PCCA: variants seen among roughly 807,000 people sequenced by gnomAD.
PCCA encodes propionyl-CoA carboxylase alpha chain, mitochondrial.
A neutral mutation model predicts 101.3 loss-of-function variants in PCCA; 74 were observed. The ratio of observed to expected loss-of-function variants is 0.73; its 90% confidence interval spans 0.61 to 0.89. The LOEUF (loss-of-function observed/expected upper bound fraction) is 0.89, where lower values mean the gene tolerates loss of function less well. Ranked by LOEUF, PCCA falls within the 40% of genes least tolerant of loss-of-function variation. The pLI, the probability that PCCA is intolerant of heterozygous loss-of-function variation, is 0.00. For synonymous variants in PCCA, 294 were observed against 313.6 expected (o/e 0.94, Z 0.66); for missense variants, 891 against 907.0 (o/e 0.98, Z 0.23).
intron 19 of PCCA, among the ~76,000 whole-genome samples, chr13:100,383,372 A>G (rs552702276): frequency 7.2e-5 from 11 of 152,036 alleles, no homozygotes; most frequent in Non-Finnish European, 1.2e-4. Context: ...CACGCCTGTA[A>G]TCCCAGCACA....
At chr13:100,434,659 C>T (rs1317085854) in intron 20 of PCCA, among the ~76,000 whole-genome samples, 4 of 152,184 alleles carry the variant, frequency 2.6e-5, no homozygotes, top group African/African-American at 9.7e-5. Context: ...TGAATGTTCT[C>T]ACTGGGCATG....
At chr13:100,493,583 A>C (rs2085067334) in intron 21 of PCCA, among the ~76,000 whole-genome samples, 1 of 152,140 alleles carries the variant, frequency 6.6e-6, no homozygotes, top group Non-Finnish European at 1.5e-5. Flanking sequence ...GTTCTTGCAA[A>C]CCCCCACAGA....
At chr13:100,412,520 A>C (rs991726881) in intron 19 of PCCA, among the ~76,000 whole-genome samples, 1 of 152,160 alleles carries the variant, frequency 6.6e-6, no homozygotes, top group East Asian at 1.9e-4. Flanking sequence ...CCATTTTTCT[A>C]TTTCTTATTA....
intron 6 of PCCA, among the ~76,000 whole-genome samples, chr13:100,169,980 A>T (rs2011329): frequency 6.6e-6 from 1 of 152,054 alleles, no homozygotes; most frequent in African/African-American, 2.4e-5. Flanking sequence ...GATTATAGGC[A>T]TGAGCCACCA....
chr13:100,217,136 T>G (rs2059567262), intron 7 of PCCA, among the ~76,000 whole-genome samples: 2 of 147,748 alleles, frequency 1.4e-5, no homozygotes, highest in South Asian at 4.3e-4. Context: ...CACAAGAGAA[T>G]TTGAATCTAT....
intron 10 of PCCA, among the ~76,000 whole-genome samples, chr13:100,263,799 A>G (rs563981936): frequency 1.4e-5 from 2 of 146,126 alleles, no homozygotes; most frequent in South Asian, 4.2e-4. Flanking sequence ...TCTGTATATC[A>G]TATATACAGT....
At chr13:100,369,495 A>G (rs1167033418) in intron 19 of PCCA, among the ~76,000 whole-genome samples, 2 of 152,182 alleles carry the variant, frequency 1.3e-5, no homozygotes, top group Non-Finnish European at 2.9e-5. Flanking sequence ...TCATTCCACA[A>G]ATAATTGTTG....
At chr13:100,501,616 G>C (rs1202249502) in intron 21 of PCCA, among the ~76,000 whole-genome samples, 1 of 152,174 alleles carries the variant, frequency 6.6e-6, no homozygotes, top group Non-Finnish European at 1.5e-5. Flanking sequence ...GCTCACGCCT[G>C]TAATCCCAGC....
chr13:100,200,557 TA>T (rs1232303208), intron 6 of PCCA, among the ~76,000 whole-genome samples: 2 of 151,688 alleles, frequency 1.3e-5, no homozygotes, highest in Non-Finnish European at 2.9e-5. Context: ...AATATACATA[TA>T]TATTAACAGG....
chr13:100,251,309 T>C (rs2061739952), intron 8 of PCCA, among the ~76,000 whole-genome samples: 1 of 152,234 alleles, frequency 6.6e-6, no homozygotes, highest in African/African-American at 2.4e-5. Flanking sequence ...ACCATTGTTA[T>C]ATAAATAGAA....
chr13:100,270,672 T>C (rs2152574557), intron 11 of PCCA, among the ~76,000 whole-genome samples: 1 of 152,304 alleles, frequency 6.6e-6, no homozygotes, highest in Middle Eastern at 3.4e-3. Flanking sequence ...ATTTGTACAC[T>C]GTGAAATGTT....
At chr13:100,141,998 G>A (rs943397930) in intron 4 of PCCA, among the ~76,000 whole-genome samples, 1 of 152,130 alleles carries the variant, frequency 6.6e-6, no homozygotes, top group African/African-American at 2.4e-5. Context: ...TGGGAAATAT[G>A]TTTCGATGAC....
At chr13:100,444,093 TC>T (rs1187866157) in intron 20 of PCCA, among the ~76,000 whole-genome samples, 1 of 152,116 alleles carries the variant, frequency 6.6e-6, no homozygotes, top group Admixed American at 6.6e-5. Context: ...TCCACCTTCA[TC>T]CAACCCTATT....
At chr13:100,337,202 G>A (rs1043244553) in intron 17 of PCCA, among the ~76,000 whole-genome samples, 13 of 152,164 alleles carry the variant, frequency 8.5e-5, no homozygotes, top group Admixed American at 7.2e-4. Flanking sequence ...ATTCCAGCAG[G>A]TTAGCAGGCA....
intron 4 of PCCA, among the ~76,000 whole-genome samples, chr13:100,133,655 G>T (rs1404209226): frequency 2.6e-5 from 4 of 152,026 alleles, no homozygotes; most frequent in African/African-American, 9.7e-5. Flanking sequence ...TCTCTATTGT[G>T]ATGGTTAATA....
chr13:100,520,161 TC>T (rs2087125031), intron 22 of PCCA, among the ~76,000 whole-genome samples: 1 of 152,192 alleles, frequency 6.6e-6, no homozygotes, highest in East Asian at 1.9e-4. Flanking sequence ...CAACAAGCAC[TC>T]CTGTGCCCTT....
rs1230483192 is a variant in PCCA, at chr13:100,273,286, G to A, written c.1005G>A (p.Val335=). 1 of 1,612,186 alleles carries A rather than the reference G, an allele frequency of 6.2e-7. No individual in the cohort carries two copies. The highest frequency in any genetic ancestry group is 1.7e-5 in the Admixed American group (1 of 60,018). The part of the protein sequence containing the change: ...RAVKYSSAGT[V]EFLVDSKKNF... Reference sequence around the variant, plus strand: ...TAAAATATTCCTCTGCTGGGACCGTGGAGTTCCTTGTGGACTCTAAGAAGA... The same window carrying A: ...TAAAATATTCCTCTGCTGGGACCGTAGAGTTCCTTGTGGACTCTAAGAAGA... Residue 335 remains valine, a synonymous_variant, in exon 12 of 24, where the codon GTG becomes GTA. Transcript: ENST00000376285.
At chr13:100,360,600 A>G (rs932225109) in intron 18 of PCCA, among the ~76,000 whole-genome samples, 2 of 152,212 alleles carry the variant, frequency 1.3e-5, no homozygotes, top group Non-Finnish European at 2.9e-5. Flanking sequence ...AACTTCCATT[A>G]AAACTGTAAA....
intron 2 of PCCA, among the ~76,000 whole-genome samples, chr13:100,108,816 G>A (rs1347257260): frequency 2.0e-5 from 3 of 152,230 alleles, no homozygotes; most frequent in Non-Finnish European, 4.4e-5. Flanking sequence ...TAGGAGACCA[G>A]TAACAGTGGT....
Sources: allele counts gnomAD v4.1 joint callset (sites outside exome capture counted in the v4.1 genomes callset), GRCh38; gene constraint gnomAD v4.1.1; transcripts MANE v1.5; gene names NCBI Gene and HGNC (gene_info 2026-07-23, HGNC 2026-07-21).